Variants in UNC13C observed in about 807,000 individuals in gnomAD.
The protein encoded by UNC13C is protein unc-13 homolog C.
In UNC13C, 174 loss-of-function variants were observed where a neutral mutation model predicts 245.4. The observed-to-expected ratio is 0.71, with a 90% CI of 0.63 to 0.80. UNC13C has a LOEUF of 0.80. Among genes scored for constraint, UNC13C ranks in the 30% least tolerant of loss-of-function variants. The probability of loss-of-function intolerance (pLI) is 0.00; values close to 1 mark genes in which losing one functional copy is unlikely to be tolerated. For synonymous variants in UNC13C, 992 were observed against 895.1 expected, an observed-to-expected ratio of 1.11 and a Z score of -1.93; for missense variants, 2,829 against 2,602.9, an observed-to-expected ratio of 1.09 and a Z score of -1.89.
intron 12 of UNC13C, among the ~76,000 whole-genome samples, chr15:54,298,999 TTAGGTA>T (rs1379812170): frequency 6.6e-6 from 1 of 152,170 alleles, no homozygotes; most frequent in Non-Finnish European, 1.5e-5. Context: ...TACACACGAT[TTAGGTA>T]TAGGACCTAG....
chr15:54,147,155 C>T (rs1199891581), intron 4 of UNC13C, among the ~76,000 whole-genome samples: 2 of 151,960 alleles, frequency 1.3e-5, no homozygotes, highest in Non-Finnish European at 2.9e-5. Flanking sequence ...AGCAGATTCT[C>T]TCTAAGGGAT....
chr15:53,909,092 C>G, the UNC13C span, among the ~76,000 whole-genome samples: 1 of 146,212 alleles, frequency 6.8e-6, no homozygotes. Context: ...TCAATGTAAA[C>G]TAAGTTTCCC....
chr15:54,417,712 G>A (rs2040551177), intron 19 of UNC13C, among the ~76,000 whole-genome samples: 1 of 152,002 alleles, frequency 6.6e-6, no homozygotes, highest in Admixed American at 6.6e-5. Context: ...TTGAAAAAAA[G>A]AACTATGTTA....
At chr15:54,616,166 A>G (rs1375096428) in intron 30 of UNC13C, among the ~76,000 whole-genome samples, 1 of 152,090 alleles carries the variant, frequency 6.6e-6, no homozygotes, top group Non-Finnish European at 1.5e-5. Context: ...AACTGTAGCC[A>G]TGGAGACTCA....
At chr15:53,890,146 T>C in the UNC13C span, among the ~76,000 whole-genome samples, 1 of 151,172 alleles carries the variant, frequency 6.6e-6, no homozygotes, top group Admixed American at 6.6e-5. Flanking sequence ...GCCTCTTTTT[T>C]TTTTTTTCTT....
chr15:54,056,781 C>A (rs1468976656), intron 2 of UNC13C, among the ~76,000 whole-genome samples: 3 of 152,158 alleles, frequency 2.0e-5, no homozygotes, highest in Admixed American at 6.5e-5. Context: ...ACTCTACAAG[C>A]CAGAAGAGAG....
chr15:54,410,522 A>T (rs185375186), intron 18 of UNC13C, among the ~76,000 whole-genome samples: 1 of 151,766 alleles, frequency 6.6e-6, no homozygotes, highest in African/African-American at 2.4e-5. Flanking sequence ...TCTTTAATTC[A>T]TCTTGAGTTG....
At chr15:54,354,972 A>T (rs2039061954) in intron 17 of UNC13C, among the ~76,000 whole-genome samples, 1 of 152,120 alleles carries the variant, frequency 6.6e-6, no homozygotes, top group Admixed American at 6.5e-5. Flanking sequence ...TTATTGTGTT[A>T]GTGGGCGATC....
At chr15:54,445,683 T>C (rs558211781) in intron 19 of UNC13C, among the ~76,000 whole-genome samples, 1 of 152,366 alleles carries the variant, frequency 6.6e-6, no homozygotes, top group East Asian at 1.9e-4. Context: ...TTGTAGATTC[T>C]GGATATTAGC....
chr15:54,127,562 G>T (rs2031127998), intron 2 of UNC13C, among the ~76,000 whole-genome samples: 1 of 151,710 alleles, frequency 6.6e-6, no homozygotes, highest in South Asian at 2.1e-4. Flanking sequence ...GTTGGGGAGT[G>T]GGGGACTAGG....
At chr15:54,512,716 G>A (rs546287934) in intron 24 of UNC13C, among the ~76,000 whole-genome samples, 113 of 152,242 alleles carry the variant, frequency 7.4e-4, no homozygotes, top group Middle Eastern at 3.4e-3. Context: ...CCTTTACATT[G>A]TTCCTTCCCG....
At chr15:54,084,351 TTG>T (rs1193378431) in intron 2 of UNC13C, among the ~76,000 whole-genome samples, 2 of 152,202 alleles carry the variant, frequency 1.3e-5, no homozygotes, top group African/African-American at 4.8e-5. Flanking sequence ...TTTTTTGCAG[TTG>T]TGTTTTGTGA....
chr15:54,444,990 G>A (rs1431779146), intron 19 of UNC13C, among the ~76,000 whole-genome samples: 3 of 113,700 alleles, frequency 2.6e-5, no homozygotes, highest in African/African-American at 1.1e-4. Context: ...AACAGCCCCT[G>A]GTGTGTGATG....
At chr15:54,182,422 T>A (rs999254433) in intron 4 of UNC13C, among the ~76,000 whole-genome samples, 1 of 152,140 alleles carries the variant, frequency 6.6e-6, no homozygotes, top group Admixed American at 6.6e-5. Flanking sequence ...GATATGCTGT[T>A]AAATTCAGTT....
At chr15:53,863,368 C>T in the UNC13C span, among the ~76,000 whole-genome samples, 1 of 152,176 alleles carries the variant, frequency 6.6e-6, no homozygotes, top group Non-Finnish European at 1.5e-5. Context: ...AAGTGACACA[C>T]ATTTCTAATT....
chr15:53,871,846 A>G, the UNC13C span, among the ~76,000 whole-genome samples: 172 of 152,276 alleles, frequency 1.1e-3, no homozygotes, highest in Non-Finnish European at 2.1e-3. Flanking sequence ...CATCACAGTG[A>G]GTATTGTGGA....
chr15:54,523,141 G>A (rs998052920), intron 24 of UNC13C, among the ~76,000 whole-genome samples: 2 of 152,148 alleles, frequency 1.3e-5, no homozygotes, highest in Admixed American at 1.3e-4. Context: ...ATTTGTAGGA[G>A]TAAGAAAAAT....
rs756877827 is a variant in UNC13C, at chr15:54,546,708, TA to T, written c.5697-13del. 3.5e-4 allele frequency: 501 copies of T among 1,430,990 alleles called. No homozygotes were observed. The Middle Eastern group carries it at 8.5e-3, about 24-fold the overall frequency. The allele number at this position is 1,430,990 out of a possible 1,614,324, so 88.6% of individuals were successfully genotyped here. On this transcript the variant is annotated splice_polypyrimidine_tract_variant and intron_variant, in intron 26 of 32. Transcript: ENST00000260323. ...AAATTTAAAAGTGAATATATATATA[TA>T]TTTTTTTTTCAGATTAAGTCTCTCA...
intron 30 of UNC13C, among the ~76,000 whole-genome samples, chr15:54,576,118 G>A (rs1897947665): frequency 6.6e-6 from 1 of 152,226 alleles, no homozygotes; most frequent in Admixed American, 6.5e-5. Context: ...CCTCTGTGCT[G>A]TTCCTCCCTC....
Sources: allele counts gnomAD v4.1 joint callset (sites outside exome capture counted in the v4.1 genomes callset), GRCh38; gene constraint gnomAD v4.1.1; transcripts MANE v1.5; gene names NCBI Gene and HGNC (gene_info 2026-07-23, HGNC 2026-07-21).